The following SRGAP3 variants were observed in gnomAD, a reference collection of about 807,000 sequenced individuals.
The protein encoded by SRGAP3 is SLIT-ROBO Rho GTPase-activating protein 3.
SRGAP3 carries 39 observed loss-of-function variants against 121.1 expected under a neutral mutation model. The observed-to-expected ratio is 0.32, with a 90% confidence interval of 0.25 to 0.42. The LOEUF (loss-of-function observed/expected upper bound fraction) is 0.42. SRGAP3 is among the 10% of genes least tolerant of loss of function. The pLI is 1.00. For synonymous variants in SRGAP3, 601 were observed against 570.0 expected, an observed-to-expected ratio of 1.05 and a Z score of -0.77; for missense variants, 1,213 against 1,470.6, an observed-to-expected ratio of 0.82 and a Z score of 2.86.
chr3:9,079,515 G>T (rs1947137644), intron 4 of SRGAP3, among the ~76,000 whole-genome samples: 1 of 152,226 alleles, frequency 6.6e-6, no homozygotes, highest in Non-Finnish European at 1.5e-5. Context: ...ATGAAACTAT[G>T]CCTTGGAGAT....
rs562349165 is a variant in SRGAP3, at chr3:9,348,702, A to G, written n.214+14138T>C. The G allele has an allele frequency of 1.0e-4, 123 of 1,183,328 alleles. 1 individual carries two copies. In the African/African-American group the frequency reaches 1.4e-3, roughly 14 times the overall value. The allele number at this position is 1,183,328 out of a possible 1,614,324, so 73.3% of individuals were successfully genotyped here. A position where few individuals can be genotyped will look rare whatever the true frequency, so the allele number is the denominator to read the frequency against. ...GCCAGTAGTGAGGATTGGTGCCTCA[A>G]TGAGCAGCACTCTGGGGGTCTGATC... On this transcript the variant is annotated intron_variant and non_coding_transcript_variant, in intron 1 of 3. Coordinates refer to the SRGAP3 transcript ENST00000490889.
At chr3:9,142,829 C>T (rs1262556529) in intron 1 of SRGAP3, among the ~76,000 whole-genome samples, 7 of 90,832 alleles carry the variant, frequency 7.7e-5, no homozygotes, top group East Asian at 3.5e-4. Flanking sequence ...GGGCAATTTC[C>T]TTTTTTTTTT....
intron 12 of SRGAP3, among the ~76,000 whole-genome samples, chr3:9,031,306 G>A (rs1334984921): frequency 1.3e-5 from 2 of 152,190 alleles, no homozygotes; most frequent in Admixed American, 6.5e-5. Flanking sequence ...TCTTGGAGGA[G>A]AGAGGAGGGA....
chr3:9,279,509 A>ATTT (rs34338068), intron 3 of SRGAP3, among the ~76,000 whole-genome samples: 9 of 117,976 alleles, frequency 7.6e-5, no homozygotes, highest in African/African-American at 1.6e-4. Context: ...GAATACCCTG[A>ATTT]TTTTTTTTTT....
In SRGAP3 at chr3:9,064,516, A is replaced by C. The variant is rs1320474342; in HGVS notation, c.552T>G (p.Ala184=). ...TGAACTGCTTCTCCTCCTGCTTCTC[A>C]GCCTCCTTCAGCTTGCTTTCCGCAC... is the stretch of plus-strand genomic sequence containing the variant. ...SISAESKLKE[A]EKQEEKQFNK... The change falls in exon 5 of 22, where the codon GCT becomes GCG. Residue 184 remains alanine, a synonymous_variant. Transcript: ENST00000383836. The C allele has an allele frequency of 6.2e-7, 1 of 1,614,112 alleles. No individual in the cohort carries two copies. Among genetic ancestry groups the C allele is most frequent in the Non-Finnish European group, 8.5e-7 (1 of 1,180,032 alleles).
At chr3:9,303,142 G>A (rs1482720782) in intron 3 of SRGAP3, among the ~76,000 whole-genome samples, 1 of 151,776 alleles carries the variant, frequency 6.6e-6, no homozygotes, top group South Asian at 2.1e-4. Flanking sequence ...GCAAGAACAC[G>A]TGCCAGGCGC....
At chr3:9,082,702 C>T (rs1463859160) in intron 3 of SRGAP3, among the ~76,000 whole-genome samples, 6 of 152,232 alleles carry the variant, frequency 3.9e-5, no homozygotes, top group African/African-American at 1.4e-4. Context: ...AGCCTCATAG[C>T]TGGACCAGCT....
Position 9,001,434 on chromosome 3 carries a change from A to G in SRGAP3, c.2228-6911T>C, listed in dbSNP as rs538961757. ...AAAAATATAGTGAAAACATCATTAA[A>G]GAAGTTTAAATGCTATATTAGAAAA... On this transcript the variant is annotated intron_variant, in intron 18 of 21. Coordinates refer to ENST00000383836, the MANE Select transcript of SRGAP3 (RefSeq NM_014850.4). Among the ~76,000 whole-genome samples the G allele has an allele frequency of 5.2e-5, 8 of 152,384 alleles. 1 individual carries two copies. In the South Asian group the frequency reaches 1.4e-3, roughly 28 times the overall value.
intron 3 of SRGAP3, among the ~76,000 whole-genome samples, chr3:9,090,091 T>C (rs559264431): frequency 3.0e-4 from 45 of 152,182 alleles, no homozygotes; most frequent in Admixed American, 1.1e-3. Context: ...TTTGAAAAAA[T>C]ACTAACGTAA....
At chr3:9,049,529 T>C in intron 9 of SRGAP3, 1 of 455,852 alleles carries the variant, frequency 2.2e-6, no homozygotes, top group South Asian at 1.5e-5. Flanking sequence ...CTCGGGCAGA[T>C]TACCGAGCAT....
At chr3:9,032,564 G>C in intron 12 of SRGAP3, 86 bp downstream of exon 12, 2 of 1,260,286 alleles carry the variant, frequency 1.6e-6, no homozygotes, top group Non-Finnish European at 2.3e-6. Context: ...CCAAGGACAG[G>C]GCTGTCTGCT....
At chr3:9,025,796 G>C (rs1339889604) in intron 13 of SRGAP3, among the ~76,000 whole-genome samples, 1 of 152,090 alleles carries the variant, frequency 6.6e-6, no homozygotes, top group East Asian at 1.9e-4. Flanking sequence ...ACAGCAGCCT[G>C]TACAACTGAA....
chr3:9,324,351 T>C (rs1955481586), intron 3 of SRGAP3, among the ~76,000 whole-genome samples: 1 of 151,898 alleles, frequency 6.6e-6, no homozygotes, highest in Non-Finnish European at 1.5e-5. Flanking sequence ...AAAACCTCAT[T>C]AATTGATAAC....
At chr3:9,309,917 C>T (rs1955215129) in intron 3 of SRGAP3, among the ~76,000 whole-genome samples, 1 of 152,130 alleles carries the variant, frequency 6.6e-6, no homozygotes, top group Non-Finnish European at 1.5e-5. Flanking sequence ...TTCACTTATT[C>T]ATGCAATAAA....
chr3:9,065,598 A>T (rs956837277), intron 4 of SRGAP3: 3 of 151,882 alleles, frequency 2.0e-5, no homozygotes, highest in African/African-American at 7.3e-5. Flanking sequence ...TACAATATAA[A>T]CTCCTTTGGA....
intron 1 of SRGAP3, among the ~76,000 whole-genome samples, chr3:9,231,552 A>C (rs2700323): frequency 2.0e-5 from 3 of 152,094 alleles, no homozygotes; most frequent in African/African-American, 7.2e-5. Context: ...TTTATAGGCC[A>C]ACACCGAACT....
chr3:9,042,330 C>T (rs1317199454), intron 10 of SRGAP3, among the ~76,000 whole-genome samples: 2 of 151,888 alleles, frequency 1.3e-5, no homozygotes, highest in African/African-American at 2.4e-5. Flanking sequence ...ATCAGGCACA[C>T]ATGGCTAGTG....
chr3:9,212,887 G>C (rs1454574200), intron 1 of SRGAP3, among the ~76,000 whole-genome samples: 1 of 152,200 alleles, frequency 6.6e-6, no homozygotes, highest in Admixed American at 6.5e-5. Flanking sequence ...GGTGAAGACA[G>C]AGCCTCCCGG....
chr3:9,286,575 T>A (rs1458903392), intron 3 of SRGAP3, among the ~76,000 whole-genome samples: 1 of 152,170 alleles, frequency 6.6e-6, no homozygotes, highest in African/African-American at 2.4e-5. Context: ...CTAACTTTAG[T>A]CACTTTATTT....
Sources: allele counts gnomAD v4.1 joint callset (sites outside exome capture counted in the v4.1 genomes callset), GRCh38; gene constraint gnomAD v4.1.1; transcripts MANE v1.5; gene names NCBI Gene and HGNC (gene_info 2026-07-23, HGNC 2026-07-21).